Variants in PPFIBP2 observed in about 807,000 individuals in gnomAD.
The protein encoded by PPFIBP2 is liprin-beta-2.
A neutral mutation model predicts 118.3 loss-of-function variants in PPFIBP2; 118 were observed. The ratio of observed to expected loss-of-function variants is 1.00; its 90% CI spans 0.86 to 1.16. PPFIBP2 has a LOEUF of 1.16. PPFIBP2 is among the 50% of genes most tolerant of loss of function. The pLI, the probability that PPFIBP2 is intolerant of heterozygous loss-of-function variation, is 0.00. For missense variants in PPFIBP2, 1,195 were observed against 1,073.1 expected (o/e 1.11, Z -1.59); for synonymous variants, 414 against 397.4 (o/e 1.04, Z -0.50).
At chr11:7,520,507 T>TC (rs113317489) in intron 1 of PPFIBP2, among the ~76,000 whole-genome samples, 8,123 of 143,112 alleles carry the variant, frequency 0.057, 321 homozygotes, top group Non-Finnish European at 0.088. Context: ...GGCCATAAGA[T>TC]TTTTTTTTTT....
chr11:7,642,146 G>C (rs1852284378), intron 16 of PPFIBP2, 152 bp from the exon 17 acceptor site: 2 of 896,390 alleles, frequency 2.2e-6, no homozygotes, highest in Non-Finnish European at 3.4e-6. Context: ...AGCTGCGACA[G>C]GTTGTGATCC....
intron 1 of PPFIBP2, among the ~76,000 whole-genome samples, chr11:7,536,325 TCAGAG>T (rs1851212775): frequency 6.6e-6 from 1 of 151,882 alleles, no homozygotes; most frequent in African/African-American, 2.4e-5. Context: ...ACTGGGGGTG[TCAGAG>T]AGCACGGGAG....
chr11:7,521,008 C>G (rs1281330229), intron 1 of PPFIBP2, among the ~76,000 whole-genome samples: 1 of 152,202 alleles, frequency 6.6e-6, no homozygotes, highest in Non-Finnish European at 1.5e-5. Context: ...CTAGAATAAT[C>G]TGTTTAGCTT....
At chr11:7,517,583 GGGTGA>G (rs1251331824) in intron 1 of PPFIBP2, among the ~76,000 whole-genome samples, 6 of 284 alleles carry the variant, frequency 0.021, no homozygotes, top group Admixed American at 0.042. Context: ...ACCAGGTTTG[GGGTGA>G]AAAAGTGAGT....
intron 17 of PPFIBP2, among the ~76,000 whole-genome samples, chr11:7,643,389 G>T (rs1027345544): frequency 6.6e-5 from 10 of 152,228 alleles, no homozygotes; most frequent in African/African-American, 2.2e-4. Context: ...TGTCCCTAGA[G>T]TAGGAGAGCA....
At chr11:7,618,885 G>GTTTTTTT (rs36101082) in intron 6 of PPFIBP2, among the ~76,000 whole-genome samples, 6 of 124,552 alleles carry the variant, frequency 4.8e-5, no homozygotes, top group Non-Finnish European at 6.6e-5. Flanking sequence ...CCATCCAGAA[G>GTTTTTTT]TTTTTTTTTT....
chr11:7,649,790 T>G (rs529587914), intron 21 of PPFIBP2, 136 bp downstream of exon 21: 216 of 1,325,156 alleles, frequency 1.6e-4, no homozygotes, highest in Non-Finnish European at 2.1e-4. Flanking sequence ...TGTTTGCTTG[T>G]GCTTCCTGTT....
At chr11:7,631,593 G>A (rs1361502750) in intron 11 of PPFIBP2, among the ~76,000 whole-genome samples, 4 of 152,074 alleles carry the variant, frequency 2.6e-5, no homozygotes, top group African/African-American at 9.7e-5. Context: ...ACTTAAGCTA[G>A]ATACAAATAA....
chr11:7,549,377 A>G, intron 1 of PPFIBP2, 63 bp from the exon 2 acceptor site: 1 of 1,431,286 alleles, frequency 7.0e-7, no homozygotes, highest in Non-Finnish European at 9.6e-7. Flanking sequence ...GATTTTTGCG[A>G]TCTTGTGTGC....
downstream of PPFIBP2, chr11:7,656,664 C>A: frequency 8.2e-7 from 1 of 1,226,340 alleles, no homozygotes; most frequent in Non-Finnish European, 1.1e-6. Flanking sequence ...TCCGGTGCAG[C>A]TGCCGCAGGG....
At chr11:7,652,886 T>G (rs1854254210) in intron 23 of PPFIBP2, 138 bp from the exon 24 acceptor site, 3 of 1,029,306 alleles carry the variant, frequency 2.9e-6, no homozygotes, top group Non-Finnish European at 4.3e-6. Context: ...GAGCTCTGTT[T>G]TGTTCAGAGT....
intron 5 of PPFIBP2, chr11:7,598,570 G>A (rs2135343861): frequency 6.5e-6 from 1 of 154,548 alleles, no homozygotes; most frequent in East Asian, 1.9e-4. Flanking sequence ...AAGTTATCTT[G>A]AAAATTAAAC....
chr11:7,666,499 G>T, the PPFIBP2 span: 1 of 1,613,424 alleles, frequency 6.2e-7, no homozygotes, highest in Non-Finnish European at 8.5e-7. Context: ...TGGTCTGGGT[G>T]AGTCCTGGCA....
At chr11:7,666,955 T>A in the PPFIBP2 span, 2 of 160,666 alleles carry the variant, frequency 1.2e-5, no homozygotes, top group Non-Finnish European at 2.7e-5. Context: ...AGAAATGTAA[T>A]GGGCTCAGAA....
chr11:7,596,262 T>A (rs980032160), intron 4 of PPFIBP2, among the ~76,000 whole-genome samples: 16 of 152,060 alleles, frequency 1.1e-4, no homozygotes, highest in African/African-American at 3.6e-4. Context: ...ACCCCCAGAG[T>A]CCTGCCCTTT....
intron 1 of PPFIBP2, among the ~76,000 whole-genome samples, chr11:7,537,388 A>C (rs1851321150): frequency 6.6e-6 from 1 of 152,272 alleles, no homozygotes; most frequent in Middle Eastern, 3.4e-3. Context: ...AAACCTGTGA[A>C]CTCCCAGAGC....
chr11:7,605,264 T>C lies in PPFIBP2; in HGVS notation c.487-5027T>C, dbSNP rs931969329. 2.0e-5 allele frequency among the ~76,000 whole-genome samples: 3 copies of C among 152,228 alleles called. No homozygotes were observed. In the South Asian group the frequency reaches 6.2e-4, roughly 32 times the overall value. On this transcript the variant is annotated intron_variant, in intron 5 of 23. Transcript: ENST00000299492. ...AATGAGAGATGATGCTAGGAAACTT[T>C]GAAATAGAACTTACATTCAGTGAAC...
intron 1 of PPFIBP2, among the ~76,000 whole-genome samples, chr11:7,541,423 G>C (rs1289411149): frequency 1.3e-5 from 2 of 152,226 alleles, no homozygotes; most frequent in Non-Finnish European, 2.9e-5. Context: ...TGAGTTTGGA[G>C]AGAAGTGCTC....
intron 3 of PPFIBP2, chr11:7,577,161 G>A (rs367912274): frequency 6.2e-6 from 1 of 161,206 alleles, no homozygotes; most frequent in African/African-American, 2.4e-5. Context: ...GGCAGGCTCC[G>A]GTATTATCAC....
Sources: allele counts gnomAD v4.1 joint callset (sites outside exome capture counted in the v4.1 genomes callset), GRCh38; gene constraint gnomAD v4.1.1; transcripts MANE v1.5; gene names NCBI Gene and HGNC (gene_info 2026-07-23, HGNC 2026-07-21).